HJURP: variants seen among roughly 807,000 people sequenced by gnomAD.
HJURP encodes the protein Holliday junction recognition protein.
Under a neutral mutation model 72.0 loss-of-function variants are expected in HJURP, and 49 were observed. The ratio of observed to expected loss-of-function variants is 0.68; its 90% CI spans 0.54 to 0.86. The LOEUF (loss-of-function observed/expected upper bound fraction) is 0.86, where lower values mean the gene tolerates loss of function less well. Ranked by LOEUF, HJURP falls within the 40% of genes least tolerant of loss-of-function variation. The probability of loss-of-function intolerance (pLI) is 0.00; values close to 1 mark genes in which losing one functional copy is unlikely to be tolerated. For synonymous variants in HJURP, 357 were observed against 347.1 expected (o/e 1.03, Z -0.32); for missense variants, 908 against 936.3 (o/e 0.97, Z 0.39).
Position 233,845,781 on chromosome 2 carries a change from T to C in HJURP, c.442A>G (p.Arg148Gly). Residue 148 changes from arginine to glycine, a missense_variant, in exon 6 of 9, where the codon AGG becomes GGG. By Grantham distance (125) the Arg-to-Gly change is moderately radical. Around this residue, in one of 3 missense-constraint regions of HJURP, gnomAD observed 299 missense variants for 286.7 expected, o/e 1.04. Coordinates refer to ENST00000411486, the MANE Select transcript of HJURP (RefSeq NM_018410.5). ...ATATCCACTTGGGTCAAGTATTTCC[T>C]TCTTAATTCATTTTTCAAAGGGCTT... ...PQSPLKNELR[R>G]KYLTQVDILL... 2 of 1,613,710 alleles carry C rather than the reference T, an allele frequency of 1.2e-6. No homozygotes were observed. Among genetic ancestry groups the C allele is most frequent in the South Asian group, 1.1e-5 (1 of 91,066 alleles).
intron 3 of HJURP, among the ~76,000 whole-genome samples, chr2:233,850,719 C>T (rs1452510911): frequency 2.0e-5 from 3 of 152,082 alleles, no homozygotes; most frequent in African/African-American, 7.2e-5. Context: ...CCAGTGAAAC[C>T]GTCACGTAAG....
chr2:233,841,049 G>A lies in HJURP; in HGVS notation c.1731C>T (p.Tyr577=), dbSNP rs376690326. ...KEVPGHGRNR[Y]DEIKEEFDKL... ...TGTCAAATTCTTCTTTAATTTCATC[G>A]TAACGATTCCTTCCGTGGCCTGGCA... Residue 577 remains tyrosine (Y), a synonymous_variant, in exon 8 of 9, where the codon TAC becomes TAT. Coordinates refer to ENST00000411486, the MANE Select transcript of HJURP (RefSeq NM_018410.5). 18 of 1,613,982 alleles carry A rather than the reference G, an allele frequency of 1.1e-5. No individual in the cohort carries two copies. The highest frequency in any genetic ancestry group is 4.5e-5 in the East Asian group (2 of 44,896).
intron 7 of HJURP, among the ~76,000 whole-genome samples, chr2:233,843,596 G>C (rs1325352906): frequency 6.6e-6 from 1 of 152,138 alleles, no homozygotes; most frequent in Non-Finnish European, 1.5e-5. Flanking sequence ...GTGACCATGA[G>C]GGAGAAAATG....
intron 8 of HJURP, among the ~76,000 whole-genome samples, chr2:233,838,358 C>G (rs1490188689): frequency 6.6e-6 from 1 of 152,178 alleles, no homozygotes; most frequent in African/African-American, 2.4e-5. Context: ...CCATTCTCTA[C>G]AAGGCCGAGG....
At chr2:233,854,022 C>CTTTTTT in intron 1 of HJURP, 112 bp from the exon 2 acceptor site, 1 of 889,480 alleles carries the variant, frequency 1.1e-6, no homozygotes, top group Non-Finnish European at 1.8e-6. Flanking sequence ...TGGGGCGCCC[C>CTTTTTT]AAACGCGGTC....
Position 233,844,268 on chromosome 2 carries a change from C to G in HJURP, c.511G>C (p.Ala171Pro). 6.2e-7 allele frequency: 1 copy of G among 1,614,172 alleles called. No homozygotes were observed. Among genetic ancestry groups the G allele is most frequent in the Non-Finnish European group, 8.5e-7 (1 of 1,180,010 alleles). Reference sequence around the variant, plus strand: ...GGAGTCACACGTACATCCCTTCCAGCTCTGTTACCTGCACACTGAAATCAG... The same window carrying G: ...GGAGTCACACGTACATCCCTTCCAGGTCTGTTACCTGCACACTGAAATCAG... ...AEYFECAGNR[A>P]GRDVRVTPLP... Residue 171 changes from alanine to proline, a missense_variant, in exon 7 of 9, where the codon GCT (alanine) becomes CCT (proline). Coordinates refer to ENST00000411486, the MANE Select transcript of HJURP (RefSeq NM_018410.5).
chr2:233,850,595 T>C (rs1326270576), intron 3 of HJURP, among the ~76,000 whole-genome samples: 1 of 152,220 alleles, frequency 6.6e-6, no homozygotes, highest in East Asian at 1.9e-4. Context: ...GCGAGGCCTA[T>C]ACCGTTAGGG....
chr2:233,847,874 A>C (rs1272462989), intron 4 of HJURP, among the ~76,000 whole-genome samples: 1 of 152,224 alleles, frequency 6.6e-6, no homozygotes, highest in Non-Finnish European at 1.5e-5. Flanking sequence ...TGGATTTTAA[A>C]TTTTATTTCA....
chr2:233,853,176 C>T (rs1705536912), intron 2 of HJURP, among the ~76,000 whole-genome samples: 1 of 152,086 alleles, frequency 6.6e-6, no homozygotes, highest in South Asian at 2.1e-4. Flanking sequence ...CTTCTGTGTC[C>T]GTTTAATGCA....
At chr2:233,838,172 C>G (rs139435379) in intron 8 of HJURP, among the ~76,000 whole-genome samples, 2 of 152,214 alleles carry the variant, frequency 1.3e-5, no homozygotes, top group African/African-American at 4.8e-5. Context: ...ATCATTTAAG[C>G]GGGAAAAGCA....
In HJURP at chr2:233,841,715, C is replaced by T; in HGVS notation, c.1065G>A (p.Leu355=). 6.2e-7 allele frequency: 1 copy of T among 1,614,156 alleles called. No homozygotes were observed. The part of the protein sequence containing the change: ...DVSCRKTGLK[L]EKAFLEVNRP... ...TGTTGACTTCAAGAAAAGCTTTTTCCAATTTTAAACCTGTCTTACGGCAAG... is the reference window on the plus strand; with the variant it reads ...TGTTGACTTCAAGAAAAGCTTTTTCTAATTTTAAACCTGTCTTACGGCAAG... Residue 355 remains leucine, a synonymous_variant, in exon 8 of 9, where the codon TTG becomes TTA. Transcript: ENST00000411486.
intron 3 of HJURP, among the ~76,000 whole-genome samples, chr2:233,850,855 C>T (rs139150557): frequency 3.7e-4 from 57 of 152,344 alleles, no homozygotes; most frequent in African/African-American, 1.3e-3. Flanking sequence ...AAACAGAACC[C>T]AGGCATTGTG....
In HJURP at chr2:233,844,222, G is replaced by T. The variant is rs761409445; in HGVS notation, c.557C>A (p.Pro186His). The change falls in exon 7 of 9, where the codon CCT (proline) becomes CAT (histidine). Residue 186 changes from proline (P) to histidine (H), a missense_variant. By Grantham distance (77) the Pro-to-His change is moderately conservative. Around this residue, in one of 3 missense-constraint regions of HJURP, gnomAD observed 299 missense variants for 286.7 expected, o/e 1.04. Coordinates refer to ENST00000411486, the MANE Select transcript of HJURP (RefSeq NM_018410.5). ...ACACTCACCGGGGGCAGGCACGGCA[G>T]GTGAGGCCAGTGAAGGCAGCGGAGT... ...RVTPLPSLAS[P>H]AVPAPGYCSR... is the part of the protein sequence containing the mutation. 1 of 1,614,126 alleles carries T rather than the reference G, an allele frequency of 6.2e-7. No homozygotes were observed. Among genetic ancestry groups the T allele is most frequent in the Admixed American group, 1.7e-5 (1 of 60,024 alleles).
Position 233,845,817 on chromosome 2 carries a change from C to A in HJURP, c.406G>T (p.Ala136Ser). 1.2e-6 allele frequency: 2 copies of A among 1,608,332 alleles called. No individual in the cohort carries two copies. The highest frequency in any genetic ancestry group is 1.7e-6 in the Non-Finnish European group (2 of 1,176,028). ...EESVAWALAPAVPQSPLKNEL... is the reference protein window; with the variant it reads ...EESVAWALAPSVPQSPLKNEL... ...TTTTTCAAAGGGCTTTGAGGCACTG[C>A]AGGCTGATCAAAAAAGAGAAGTCAG... The change falls in exon 6 of 9, where the codon GCA becomes TCA. Residue 136 changes from alanine to serine, a missense_variant. Transcript: ENST00000411486.
At chr2:233,853,959 C>A (rs1188898442) in intron 1 of HJURP, 49 bp from the exon 2 acceptor site, 1 of 1,561,942 alleles carries the variant, frequency 6.4e-7, no homozygotes, top group South Asian at 1.1e-5. Context: ...CCACGAGGGG[C>A]CCCAGACCCG....
rs569978628 is a variant in HJURP at position 233,850,686 on chromosome 2, C to T, written c.241-827G>A. 1.1e-4 allele frequency among the ~76,000 whole-genome samples: 17 copies of T among 152,306 alleles called. 2 individuals carry two copies. In the South Asian group the frequency reaches 3.5e-3, roughly 32 times the overall value. Reference sequence around the variant, plus strand: ...ACTACAGGGTAACTGAAGCCCACTTCCAGAATATCAGAACCTTTGCTTCCA... The same window carrying T: ...ACTACAGGGTAACTGAAGCCCACTTTCAGAATATCAGAACCTTTGCTTCCA... On this transcript the variant is annotated intron_variant, in intron 3 of 8. Transcript: ENST00000411486.
intron 7 of HJURP, among the ~76,000 whole-genome samples, chr2:233,842,929 C>T (rs560879920): frequency 8.6e-4 from 131 of 152,168 alleles, no homozygotes; most frequent in Non-Finnish European, 1.7e-3. Context: ...TGCTCAAAAA[C>T]GCATGTCGTT....
In HJURP at chr2:233,840,991, CAGG is replaced by C; in HGVS notation, c.1786_1788del (p.Pro596del). ...ATACATAAAGGCACTGTCATCTGCCCAGGAGATTTGAGGCAATACTTTTGATGA... is the reference window on the plus strand; with the variant it reads ...ATACATAAAGGCACTGTCATCTGCCCAGATTTGAGGCAATACTTTTGATGA... On this transcript the variant is annotated inframe_deletion, in exon 8 of 9. Transcript: ENST00000411486. 6.2e-7 allele frequency: 1 copy of C among 1,614,142 alleles called. No individual in the cohort carries two copies. Among genetic ancestry groups the C allele is most frequent in the Non-Finnish European group, 8.5e-7 (1 of 1,180,022 alleles).
rs1270751185 is a variant in HJURP at position 233,854,405 on chromosome 2, G to A, written c.96C>T (p.Arg32=). 6.2e-7 allele frequency: 1 copy of A among 1,604,902 alleles called. No individual in the cohort carries two copies. Among genetic ancestry groups the A allele is most frequent in the Non-Finnish European group, 8.5e-7 (1 of 1,176,818 alleles). ...LRASRRRFQR[R]MQRLIEKYNQ... ...GCACCTTCTCTATCAGCCGCTGCAT[G>A]CGCCTCTGGAAGCGGCGGCGACTGG... Residue 32 remains arginine, a synonymous_variant, in exon 1 of 9, where the codon CGC becomes CGT. Transcript: ENST00000411486.
Sources: gnomAD v4.1 joint callset for allele counts (sites outside exome capture counted in the v4.1 genomes callset) on GRCh38, gnomAD v4.1.1 for gene constraint, gnomAD v4.1.1 regional missense constraint, MANE v1.5 for transcripts, NCBI Gene and HGNC (gene_info 2026-07-23, HGNC 2026-07-21) for gene names.